Variants in TMEM245 observed in about 807,000 individuals in gnomAD.
TMEM245 encodes the protein transmembrane protein 245, also known as protein CG-2.
A neutral mutation model predicts 101.2 loss-of-function variants in TMEM245; 69 were observed. The ratio of observed to expected loss-of-function variants is 0.68; its 90% CI spans 0.56 to 0.83. The LOEUF (loss-of-function observed/expected upper bound fraction) is 0.83, where lower values mean the gene tolerates loss of function less well. TMEM245 is among the 40% of genes least tolerant of loss of function. The pLI is 0.00. For synonymous variants in TMEM245, 537 were observed against 449.8 expected, an observed-to-expected ratio of 1.19 and a Z score of -2.45; for missense variants, 1,075 against 1,092.8, an observed-to-expected ratio of 0.98 and a Z score of 0.23.
intron 9 of TMEM245, among the ~76,000 whole-genome samples, chr9:109,069,576 T>C (rs1255776897): frequency 6.6e-6 from 1 of 152,206 alleles, no homozygotes; most frequent in Non-Finnish European, 1.5e-5. Flanking sequence ...TCACAGTATT[T>C]ATATCCATAT....
chr9:109,035,072 G>A (rs1292560890), intron 16 of TMEM245, among the ~76,000 whole-genome samples: 1 of 148,694 alleles, frequency 6.7e-6, no homozygotes, highest in African/African-American at 2.5e-5. Context: ...CAGGAGAATG[G>A]CTTGAACCTG....
Position 109,046,571 on chromosome 9 carries a change from A to G in TMEM245, c.2123+3712T>C, listed in dbSNP as rs529956500. 2.0e-5 allele frequency among the ~76,000 whole-genome samples: 3 copies of G among 152,314 alleles called. No homozygotes were observed. In the South Asian group the frequency reaches 6.2e-4, roughly 32 times the overall value. On this transcript the variant is annotated intron_variant, in intron 14 of 17. Coordinates refer to ENST00000374586, the MANE Select transcript of TMEM245 (RefSeq NM_032012.4). Reference sequence around the variant, plus strand: ...AGAAGGCAAAGCTTCACGAACAGACACTATCACTGTCTGGTCATGCAATTA... The same window carrying G: ...AGAAGGCAAAGCTTCACGAACAGACGCTATCACTGTCTGGTCATGCAATTA...
intron 15 of TMEM245, among the ~76,000 whole-genome samples, chr9:109,036,669 A>G (rs1828134632): frequency 6.6e-6 from 1 of 152,238 alleles, no homozygotes; most frequent in Non-Finnish European, 1.5e-5. Flanking sequence ...ACTATCAATC[A>G]ATAGTTAATA....
intron 4 of TMEM245, among the ~76,000 whole-genome samples, 193 bp downstream of exon 4, chr9:109,093,282 T>C (rs1028981088): frequency 2.0e-5 from 3 of 151,956 alleles, no homozygotes; most frequent in African/African-American, 4.8e-5. Flanking sequence ...AGTTACATAA[T>C]TACATGTATT....
At chr9:109,059,131 G>T (rs1828933726) in intron 11 of TMEM245, among the ~76,000 whole-genome samples, 1 of 152,118 alleles carries the variant, frequency 6.6e-6, no homozygotes, top group Admixed American at 6.5e-5. Flanking sequence ...GTTAGCAAAA[G>T]AAATAGATAT....
chr9:109,102,849 G>A (rs1830315726), intron 3 of TMEM245, among the ~76,000 whole-genome samples: 1 of 152,230 alleles, frequency 6.6e-6, no homozygotes, highest in Non-Finnish European at 1.5e-5. Flanking sequence ...AAGGAGTAAA[G>A]TATTGGTCAA....
At chr9:109,028,331 G>A (rs1331607109) in intron 17 of TMEM245, among the ~76,000 whole-genome samples, 4 of 151,794 alleles carry the variant, frequency 2.6e-5, no homozygotes, top group African/African-American at 9.7e-5. Flanking sequence ...GAACCTACCT[G>A]TAATCCCCGC....
At chr9:109,111,804 T>C (rs1407754492) in intron 1 of TMEM245, among the ~76,000 whole-genome samples, 1 of 151,984 alleles carries the variant, frequency 6.6e-6, no homozygotes, top group African/African-American at 2.4e-5. Flanking sequence ...CGTGTGTAAA[T>C]TTATAATGGT....
intron 5 of TMEM245, among the ~76,000 whole-genome samples, chr9:109,089,865 CA>C (rs1829947703): frequency 6.6e-6 from 1 of 152,084 alleles, no homozygotes; most frequent in Non-Finnish European, 1.5e-5. Flanking sequence ...ATTTTTCTGC[CA>C]AATCACAAGA....
chr9:109,106,956 T>C (rs1830443766), intron 2 of TMEM245, among the ~76,000 whole-genome samples: 1 of 152,136 alleles, frequency 6.6e-6, no homozygotes, highest in African/African-American at 2.4e-5. Flanking sequence ...GAATTAGGCA[T>C]AGATCTCAAA....
At chr9:109,116,690 C>T (rs1229139604) in intron 1 of TMEM245, among the ~76,000 whole-genome samples, 1 of 152,008 alleles carries the variant, frequency 6.6e-6, no homozygotes. Flanking sequence ...CCATGCCTGG[C>T]TAATTTTTTG....
intron 8 of TMEM245, 26 bp downstream of exon 8, chr9:109,080,813 T>G: frequency 5.1e-6 from 7 of 1,360,474 alleles, no homozygotes; most frequent in Non-Finnish European, 7.2e-6. Context: ...GGTTTATTAA[T>G]GAGAATAATA....
rs1345102596 is a variant in TMEM245, at chr9:109,024,545, TA to T, written c.2595-4041del. 3.3e-5 allele frequency among the ~76,000 whole-genome samples: 5 copies of T among 152,204 alleles called. No individual in the cohort carries two copies. In the East Asian group the frequency reaches 9.6e-4, roughly 29 times the overall value. On this transcript the variant is annotated intron_variant, in intron 17 of 17. Transcript: ENST00000374586. ...AAACACACATCTATAAAACGCGTATTAAGTTCCAACAGAAGTGTAAGATACC... is the reference window on the plus strand; with the variant it reads ...AAACACACATCTATAAAACGCGTATTAGTTCCAACAGAAGTGTAAGATACC...
At position 109,090,919 on chromosome 9, in the gene TMEM245, G is replaced by T; in HGVS notation, c.1150+3C>A. On this transcript the variant is annotated splice_donor_region_variant and intron_variant, in intron 5 of 17. Transcript: ENST00000374586. ...ACGAGATCGTACTTAACCAGATAACGACCTGCAATCGGCACTGGCAGCAAC... is the reference window on the plus strand; with the variant it reads ...ACGAGATCGTACTTAACCAGATAACTACCTGCAATCGGCACTGGCAGCAAC... 1 of 1,613,334 alleles carries T rather than the reference G, an allele frequency of 6.2e-7. No individual in the cohort carries two copies. Among genetic ancestry groups the T allele is most frequent in the South Asian group, 1.1e-5 (1 of 90,962 alleles).
At chr9:109,094,989 A>C (rs1366945960) in intron 3 of TMEM245, among the ~76,000 whole-genome samples, 2 of 152,244 alleles carry the variant, frequency 1.3e-5, no homozygotes, top group Non-Finnish European at 2.9e-5. Flanking sequence ...CCAGAGCCTG[A>C]GGTGGATCTT....
intron 3 of TMEM245, among the ~76,000 whole-genome samples, chr9:109,097,372 G>T (rs533624058): frequency 6.6e-6 from 1 of 152,178 alleles, no homozygotes; most frequent in East Asian, 1.9e-4. Context: ...GAGCAGAGTG[G>T]CGTAAGAATG....
At chr9:109,076,271 A>G (rs1347973791) in intron 8 of TMEM245, among the ~76,000 whole-genome samples, 1 of 151,918 alleles carries the variant, frequency 6.6e-6, no homozygotes, top group Non-Finnish European at 1.5e-5. Context: ...TCAGCAAACT[A>G]TCGCAAAGAC....
chr9:109,036,653 G>C (rs1310965297), intron 15 of TMEM245, among the ~76,000 whole-genome samples: 1 of 152,130 alleles, frequency 6.6e-6, no homozygotes, highest in Admixed American at 6.5e-5. Flanking sequence ...GGGTTCTGTA[G>C]TTGCTACTAT....
chr9:109,097,099 A>T (rs980982223), intron 3 of TMEM245, among the ~76,000 whole-genome samples: 1 of 152,238 alleles, frequency 6.6e-6, no homozygotes, highest in Non-Finnish European at 1.5e-5. Context: ...AAGGGTTTCC[A>T]AAGGAGCTGT....
Sources: gnomAD v4.1 joint callset for allele counts (sites outside exome capture counted in the v4.1 genomes callset) on GRCh38, gnomAD v4.1.1 for gene constraint, MANE v1.5 for transcripts, NCBI Gene and HGNC (gene_info 2026-07-23, HGNC 2026-07-21) for gene names.